The following EML6 variants were observed in gnomAD, a reference collection of about 807,000 sequenced individuals.
EML6 encodes EMAP like 6.
In EML6, 154 loss-of-function variants were observed where a neutral mutation model predicts 240.1. The ratio of observed to expected loss-of-function variants is 0.64; its 90% CI spans 0.56 to 0.73. The LOEUF is 0.73. EML6 is among the 30% of genes least tolerant of loss of function. The pLI is 0.00. For synonymous variants in EML6, 1,148 were observed against 899.0 expected, an observed-to-expected ratio of 1.28 and a Z score of -4.95; for missense variants, 2,964 against 2,474.6, an observed-to-expected ratio of 1.20 and a Z score of -4.20.
chr2:54,958,995 C>G, intron 33 of EML6, 109 bp from the exon 34 acceptor site: 1 of 1,052,282 alleles, frequency 9.5e-7, no homozygotes, highest in Non-Finnish European at 1.4e-6. Context: ...GATCAAACTG[C>G]CTAGGCTGTC....
chr2:54,758,630 G>C (rs1443479390), intron 2 of EML6, among the ~76,000 whole-genome samples: 1 of 151,940 alleles, frequency 6.6e-6, no homozygotes, highest in Non-Finnish European at 1.5e-5. Context: ...CCATTTGTTT[G>C]TCTCTCTCTT....
chr2:54,934,195 A>T (rs1287475595), intron 28 of EML6, among the ~76,000 whole-genome samples: 2 of 152,210 alleles, frequency 1.3e-5, no homozygotes, highest in Admixed American at 1.3e-4. Flanking sequence ...ACACATATGG[A>T]AGTGAAAAAT....
At chr2:54,877,485 A>G (rs990817504) in intron 16 of EML6, among the ~76,000 whole-genome samples, 1 of 152,178 alleles carries the variant, frequency 6.6e-6, no homozygotes, top group Non-Finnish European at 1.5e-5. Context: ...ATATTAAAAA[A>G]GGAGAGAGAA....
At chr2:54,783,336 T>C (rs961250827) in intron 2 of EML6, among the ~76,000 whole-genome samples, 4 of 152,220 alleles carry the variant, frequency 2.6e-5, no homozygotes, top group African/African-American at 4.8e-5. Flanking sequence ...AAAATCAAGC[T>C]TAAGTCTAGA....
At chr2:54,939,909 C>T (rs1055724404) in intron 28 of EML6, among the ~76,000 whole-genome samples, 3 of 152,198 alleles carry the variant, frequency 2.0e-5, no homozygotes, top group East Asian at 3.9e-4. Context: ...CTCAGCGGCC[C>T]GGCACAAGCA....
chr2:54,802,471 A>T (rs1670205172), intron 2 of EML6, among the ~76,000 whole-genome samples: 1 of 151,882 alleles, frequency 6.6e-6, no homozygotes, highest in Non-Finnish European at 1.5e-5. Context: ...ACAAAAAAAT[A>T]AAAAAATTAG....
chr2:54,829,353 T>G lies in EML6; in HGVS notation c.723T>G (p.Phe241Leu), dbSNP rs1291815214. Residue 241 changes from phenylalanine to leucine, a missense_variant, in exon 7 of 42, where the codon TTT (phenylalanine) becomes TTG (leucine). Phe to Leu is a conservative substitution (Grantham distance 22). Coordinates refer to ENST00000356458, the MANE Select transcript of EML6 (RefSeq NM_001039753.4). The part of the protein sequence containing the change: ...TIQGAHSAGI[F>L]SMYACEEGFA... ...GTTTTAATCAACAGGCTGGAATCTT[T>G]AGCATGTATGCTTGTGAAGAAGGCT... 6 of 1,551,636 alleles carry G rather than the reference T, an allele frequency of 3.9e-6. No individual in the cohort carries two copies. The African/African-American group carries it at 8.2e-5, about 21-fold the overall frequency.
chr2:54,847,307 A>G (rs1669816978), intron 8 of EML6, among the ~76,000 whole-genome samples, 179 bp from the exon 9 acceptor site: 1 of 152,120 alleles, frequency 6.6e-6, no homozygotes, highest in Non-Finnish European at 1.5e-5. Context: ...AAATGACCCA[A>G]AGATGCACTA....
intron 11 of EML6, among the ~76,000 whole-genome samples, chr2:54,857,460 C>T (rs1038377985): frequency 6.6e-6 from 1 of 152,172 alleles, no homozygotes; most frequent in Non-Finnish European, 1.5e-5. Flanking sequence ...AAATGCTGTC[C>T]TACGGGATGG....
chr2:54,844,777 G>T (rs1669660342), intron 8 of EML6, among the ~76,000 whole-genome samples: 1 of 152,194 alleles, frequency 6.6e-6, no homozygotes, highest in Non-Finnish European at 1.5e-5. Context: ...TTTACTCGGA[G>T]CCTCCAGCTT....
chr2:54,752,720 A>G (rs866152408), intron 2 of EML6, among the ~76,000 whole-genome samples: 12 of 152,324 alleles, frequency 7.9e-5, no homozygotes, highest in Middle Eastern at 6.8e-3. Flanking sequence ...AGTGATAAAT[A>G]TAATTTATTG....
At chr2:54,752,937 C>T (rs1339887668) in intron 2 of EML6, among the ~76,000 whole-genome samples, 13 of 152,154 alleles carry the variant, frequency 8.5e-5, no homozygotes, top group East Asian at 5.8e-4. Flanking sequence ...CACAGGCATC[C>T]GCCACCACAC....
chr2:54,890,843 A>G (rs1672428888), intron 17 of EML6, among the ~76,000 whole-genome samples: 1 of 152,230 alleles, frequency 6.6e-6, no homozygotes, highest in African/African-American at 2.4e-5. Context: ...AAACTTTGGC[A>G]GCAATATTAG....
chr2:54,813,277 C>A lies in EML6; in HGVS notation c.243C>A (p.Val81=). Residue 81 remains valine (V), a synonymous_variant, in exon 3 of 42, where the codon GTC becomes GTA. Coordinates refer to ENST00000356458, the MANE Select transcript of EML6 (RefSeq NM_001039753.4). ...AAACTCTCGTTGCAACTGGCCAAGT[C>A]GGGAAGGAGCCATATATATGCATAT... ...PDKTLVATGQ[V]GKEPYICIWD... is the part of the protein sequence containing the mutation. 1 of 1,550,640 alleles carries A rather than the reference C, an allele frequency of 6.4e-7. No homozygotes were observed. The highest frequency in any genetic ancestry group is 1.2e-5 in the South Asian group (1 of 83,860).
intron 2 of EML6, among the ~76,000 whole-genome samples, chr2:54,763,457 A>G (rs989398440): frequency 1.1e-4 from 17 of 152,226 alleles, no homozygotes; most frequent in Non-Finnish European, 1.9e-4. Context: ...AAAACTCCAG[A>G]CTATACAAAA....
chr2:54,799,277 T>A (rs1285905966), intron 2 of EML6, among the ~76,000 whole-genome samples: 1 of 151,688 alleles, frequency 6.6e-6, no homozygotes, highest in African/African-American at 2.4e-5. Flanking sequence ...GCCAGGCTGG[T>A]CTCAAACTCC....
At chr2:54,935,617 ACAAT>A (rs1452740217) in intron 28 of EML6, among the ~76,000 whole-genome samples, 1 of 152,240 alleles carries the variant, frequency 6.6e-6, no homozygotes, top group Admixed American at 6.5e-5. Flanking sequence ...GCGTGCCACA[ACAAT>A]CAACTTTTAA....
chr2:54,877,283 C>T (rs1329969621), intron 16 of EML6, among the ~76,000 whole-genome samples: 1 of 152,094 alleles, frequency 6.6e-6, no homozygotes, highest in African/African-American at 2.4e-5. Flanking sequence ...TGCACCTGGC[C>T]AAAATCTTTA....
intron 2 of EML6, among the ~76,000 whole-genome samples, chr2:54,789,209 C>T (rs530194172): frequency 1.6e-4 from 25 of 152,202 alleles, no homozygotes; most frequent in Admixed American, 3.9e-4. Flanking sequence ...GTTATGGTGA[C>T]CTTTAGAAAG....
Sources: allele counts gnomAD v4.1 joint callset (sites outside exome capture counted in the v4.1 genomes callset), GRCh38; gene constraint gnomAD v4.1.1; transcripts MANE v1.5; gene names NCBI Gene and HGNC (gene_info 2026-07-23, HGNC 2026-07-21).